The following ROBO1 variants were observed in gnomAD, a reference collection of about 807,000 sequenced individuals.
ROBO1 encodes the protein roundabout homolog 1.
In ROBO1, 149 loss-of-function variants were observed where a neutral mutation model predicts 195.9. That is an observed-to-expected ratio of 0.76 (90% confidence interval 0.67 to 0.87). ROBO1 has a LOEUF of 0.87. ROBO1 is among the 40% of genes least tolerant of loss of function. The probability of loss-of-function intolerance (pLI) is 0.00; values close to 1 mark genes in which losing one functional copy is unlikely to be tolerated. For synonymous variants in ROBO1, 816 were observed against 733.2 expected (o/e 1.11, Z -1.82); for missense variants, 1,933 against 2,068.3 (o/e 0.93, Z 1.27).
At chr3:78,911,814 TTTC>T (rs1457780711) in intron 4 of ROBO1, among the ~76,000 whole-genome samples, 1 of 152,202 alleles carries the variant, frequency 6.6e-6, no homozygotes, top group Non-Finnish European at 1.5e-5. Context: ...CAACATTTCA[TTTC>T]TTCTTTATAT....
rs186473368 is a variant in ROBO1, at chr3:78,671,151, G to T, written c.1343-850C>A. Among the ~76,000 whole-genome samples the T allele has an allele frequency of 2.0e-5, 3 of 152,102 alleles. No homozygotes were observed. In the East Asian group the frequency reaches 5.8e-4, roughly 29 times the overall value. ...AATACAATTAACCCTATGATTACAT[G>T]AAAAAAATCTAAAATCTAAAAACTT... On this transcript the variant is annotated intron_variant, in intron 10 of 30. Coordinates refer to ENST00000464233, the MANE Select transcript of ROBO1 (RefSeq NM_002941.4).
chr3:79,580,943 A>G (rs2107788025), intron 2 of ROBO1, among the ~76,000 whole-genome samples: 1 of 152,308 alleles, frequency 6.6e-6, no homozygotes, highest in South Asian at 2.1e-4. Context: ...ACGTTTTCCA[A>G]AGCAATTCTT....
intron 2 of ROBO1, among the ~76,000 whole-genome samples, chr3:79,332,069 G>A (rs957731906): frequency 1.3e-5 from 2 of 151,524 alleles, no homozygotes; most frequent in African/African-American, 4.9e-5. Context: ...CGTGAACCCG[G>A]GAGGCGAAGC....
intron 2 of ROBO1, among the ~76,000 whole-genome samples, chr3:79,129,057 G>C (rs1466226851): frequency 6.6e-6 from 1 of 151,988 alleles, no homozygotes; most frequent in East Asian, 1.9e-4. Flanking sequence ...TTCTCAATTG[G>C]ATGCTCTACC....
chr3:79,593,820 TG>T (rs768485812), intron 1 of ROBO1, among the ~76,000 whole-genome samples: 53 of 152,146 alleles, frequency 3.5e-4, no homozygotes, highest in South Asian at 6.2e-4. Context: ...TTTTACCATG[TG>T]GCCCAGGCTG....
intron 1 of ROBO1, among the ~76,000 whole-genome samples, chr3:79,756,181 A>G (rs1277034702): frequency 6.6e-6 from 1 of 152,196 alleles, no homozygotes; most frequent in African/African-American, 2.4e-5. Context: ...TAATATTAAT[A>G]GGTGAAGAGT....
chr3:79,241,520 A>G (rs324753), intron 2 of ROBO1, among the ~76,000 whole-genome samples: 256 of 152,224 alleles, frequency 1.7e-3, no homozygotes, highest in African/African-American at 5.2e-3. Context: ...GTGAAATTAA[A>G]TAAGTTAAAA....
chr3:79,465,098 G>C (rs886753503), intron 2 of ROBO1, among the ~76,000 whole-genome samples: 1 of 152,112 alleles, frequency 6.6e-6, no homozygotes, highest in African/African-American at 2.4e-5. Context: ...TAGAATTCAG[G>C]CTGGACCAAC....
Position 78,670,229 on chromosome 3 carries a change from A to G in ROBO1, c.1415T>C (p.Phe472Ser), listed in dbSNP as rs747717206. ...GCCTGTGGCCACACAGCTGAGGACG[A>G]AAGTGCCATCCACGGCTACAGTCTG... ...VNQTVAVDGT[F>S]VLSCVATGSP... The change falls in exon 11 of 31, where the codon TTC (phenylalanine) becomes TCC (serine). Residue 472 changes from phenylalanine (F) to serine (S), a missense_variant. By Grantham distance (155) the Phe-to-Ser change is radical (BLOSUM62 -2). This residue lies in a region of ROBO1 where 1,737 missense variants were observed against 1,882.5 expected (regional missense o/e 0.92). Transcript: ENST00000464233. 18 of 1,604,964 alleles carry G rather than the reference A, an allele frequency of 1.1e-5. No homozygotes were observed. Among genetic ancestry groups the G allele is most frequent in the Non-Finnish European group, 1.4e-5 (16 of 1,175,314 alleles).
intron 4 of ROBO1, among the ~76,000 whole-genome samples, chr3:78,811,494 A>T (rs1286372204): frequency 6.6e-6 from 1 of 152,174 alleles, no homozygotes; most frequent in Admixed American, 6.6e-5. Context: ...TTGACATTGT[A>T]ACTGCTCTCC....
At chr3:79,465,985 C>T (rs1937934947) in intron 2 of ROBO1, among the ~76,000 whole-genome samples, 1 of 151,450 alleles carries the variant, frequency 6.6e-6, no homozygotes, top group African/African-American at 2.4e-5. Context: ...CTCTAGGCAG[C>T]TTTTATATAT....
chr3:79,338,751 G>T (rs912782764), intron 2 of ROBO1, among the ~76,000 whole-genome samples: 3 of 151,616 alleles, frequency 2.0e-5, no homozygotes, highest in African/African-American at 7.3e-5. Context: ...ATACTCTCTA[G>T]CTTGGCTATT....
intron 2 of ROBO1, among the ~76,000 whole-genome samples, chr3:79,383,082 T>C (rs2036626226): frequency 6.6e-6 from 1 of 152,114 alleles, no homozygotes; most frequent in Admixed American, 6.5e-5. Flanking sequence ...GAAAAGGAGT[T>C]ACCTATTAGC....
rs140360812 is a variant in ROBO1, at chr3:79,070,086, A to G, written c.172+55370T>C. ...TTTATTGACTACTTTTAAAAGATGTATATCTGATTTAACGAAGTCTTAACT... is the reference window on the plus strand; with the variant it reads ...TTTATTGACTACTTTTAAAAGATGTGTATCTGATTTAACGAAGTCTTAACT... On this transcript the variant is annotated intron_variant, in intron 3 of 30. Transcript: ENST00000464233. 3.6e-4 allele frequency among the ~76,000 whole-genome samples: 55 copies of G among 151,702 alleles called. 1 individual carries two copies. Among genetic ancestry groups the G allele is most frequent in the African/African-American group, 1.3e-3 (54 of 41,368 alleles).
At chr3:79,085,858 C>T (rs2079359600) in intron 3 of ROBO1, among the ~76,000 whole-genome samples, 1 of 152,128 alleles carries the variant, frequency 6.6e-6, no homozygotes, top group African/African-American at 2.4e-5. Context: ...CTATAAATTT[C>T]AGCAAATTGA....
intron 8 of ROBO1, among the ~76,000 whole-genome samples, chr3:78,690,039 A>G (rs988229054): frequency 6.7e-6 from 1 of 148,438 alleles, no homozygotes; most frequent in South Asian, 2.1e-4. Flanking sequence ...TAGATTTTAT[A>G]AATTTATAAA....
intron 3 of ROBO1, among the ~76,000 whole-genome samples, chr3:79,026,489 C>T (rs2078205689): frequency 2.6e-5 from 4 of 151,886 alleles, no homozygotes; most frequent in Admixed American, 2.0e-4. Context: ...AGTTCTATTT[C>T]TATATGAAGT....
At chr3:79,568,753 C>T (rs1943174031) in intron 2 of ROBO1, among the ~76,000 whole-genome samples, 1 of 152,060 alleles carries the variant, frequency 6.6e-6, no homozygotes, top group Middle Eastern at 3.4e-3. Flanking sequence ...TTTGCCATAT[C>T]ACAGTGCAAA....
At chr3:79,437,385 A>G (rs2038922364) in intron 2 of ROBO1, among the ~76,000 whole-genome samples, 2 of 151,986 alleles carry the variant, frequency 1.3e-5, no homozygotes, top group African/African-American at 4.8e-5. Context: ...AAGATATAAT[A>G]CCTGCAATAT....
Sources: gnomAD v4.1 joint callset for allele counts (sites outside exome capture counted in the v4.1 genomes callset) on GRCh38, gnomAD v4.1.1 for gene constraint, gnomAD v4.1.1 regional missense constraint, MANE v1.5 for transcripts, NCBI Gene and HGNC (gene_info 2026-07-23, HGNC 2026-07-21) for gene names.